HNRNPK: variants seen among roughly 807,000 people sequenced by gnomAD.
HNRNPK encodes heterogeneous nuclear ribonucleoprotein K, also known as dC-stretch binding protein.
HNRNPK carries 7 observed loss-of-function variants against 67.0 expected under a neutral mutation model. That is an observed-to-expected ratio of 0.10 (90% CI 0.06 to 0.20). The LOEUF (loss-of-function observed/expected upper bound fraction) is 0.20, where lower values mean the gene tolerates loss of function less well. Among genes scored for constraint, HNRNPK ranks in the 10% least tolerant of loss-of-function variants. HNRNPK has a pLI of 1.00. For synonymous variants in HNRNPK, 213 were observed against 193.7 expected, an observed-to-expected ratio of 1.10 and a Z score of -0.83; for missense variants, 264 against 606.5, an observed-to-expected ratio of 0.44 and a Z score of 5.93.
At position 83,970,344 on chromosome 9, in the gene HNRNPK, T is replaced by A. The variant is rs746875286; in HGVS notation, c.1192-13A>T. The A allele has an allele frequency of 6.2e-7, 1 of 1,603,148 alleles. No individual in the cohort carries two copies. Among genetic ancestry groups the A allele is most frequent in the Non-Finnish European group, 8.5e-7 (1 of 1,173,090 alleles). On this transcript the variant is annotated splice_polypyrimidine_tract_variant and intron_variant, in intron 15 of 16. Coordinates refer to ENST00000376263, the MANE Select transcript of HNRNPK (RefSeq NM_031263.4). ...TAGATCCAGCCAACTGAAAAGATTT[T>A]TTAAAAGTATGTGTTTACGATATAC... is the stretch of plus-strand genomic sequence containing the variant.
intron 3 of HNRNPK, 28 bp from the exon 4 acceptor site, chr9:83,977,814 G>T: frequency 7.2e-7 from 1 of 1,386,842 alleles, no homozygotes; most frequent in Non-Finnish European, 1.0e-6. Flanking sequence ...ACATTTCAAA[G>T]AAAGCAGCGA....
At chr9:83,975,415 TTC>T in intron 6 of HNRNPK, 45 bp downstream of exon 6, 2 of 1,553,898 alleles carry the variant, frequency 1.3e-6, no homozygotes, top group Middle Eastern at 1.7e-4. Flanking sequence ...TAAAATACAT[TTC>T]TCTCTTTCTA....
At chr9:83,971,427 A>ACATGAACCCGCATTGTAT in intron 12 of HNRNPK, 71 bp from the exon 13 acceptor site, 1 of 1,051,498 alleles carries the variant, frequency 9.5e-7, no homozygotes, top group Non-Finnish European at 1.5e-6. Context: ...AATATGCCTA[A>ACATGAACCCGCATTGTAT]TTTGCATGTT....
Position 83,972,986 on chromosome 9 carries a change from A to AT in HNRNPK, c.517-15dup. On this transcript the variant is annotated splice_polypyrimidine_tract_variant and intron_variant, in intron 9 of 16. Transcript: ENST00000376263. The stretch of plus-strand genomic sequence containing the variant: ...GGTTTGAGTGTTCTGTAGTAAGATC[A>AT]TAAAAAAAAATAATAATAATTAGAA... The AT allele has an allele frequency of 4.5e-6, 7 of 1,543,662 alleles. No individual in the cohort carries two copies. The highest frequency in any genetic ancestry group is 2.0e-4 in the Middle Eastern group (1 of 5,076).
intron 1 of HNRNPK, among the ~76,000 whole-genome samples, chr9:83,978,857 G>C (rs1214510916): frequency 6.6e-6 from 1 of 152,188 alleles, no homozygotes; most frequent in Non-Finnish European, 1.5e-5. Context: ...ACTCATGCTT[G>C]AAGCGATCTT....
chr9:83,969,824 C>G (rs1956744081), intron 16 of HNRNPK: 3 of 612,068 alleles, frequency 4.9e-6, no homozygotes, highest in Admixed American at 3.8e-5. Context: ...AACAAAATCA[C>G]TAGTCTTCCA....
chr9:83,974,482 T>C (rs761408559), intron 7 of HNRNPK, 35 bp downstream of exon 7: 16 of 1,035,472 alleles, frequency 1.5e-5, no homozygotes, highest in Non-Finnish European at 2.4e-5. Context: ...TCCCCCCTCA[T>C]ATTGTCAAAT....
chr9:83,972,800 T>C (rs1956913183), intron 10 of HNRNPK, 44 bp downstream of exon 10: 4 of 1,496,714 alleles, frequency 2.7e-6, no homozygotes, highest in Middle Eastern at 2.5e-4. Flanking sequence ...GGTTATCACT[T>C]TGTTTCATAA....
intron 9 of HNRNPK, 86 bp from the exon 10 acceptor site, chr9:83,973,058 CAATT>C (rs769579932): frequency 2.4e-5 from 22 of 935,072 alleles, no homozygotes; most frequent in African/African-American, 5.1e-5. Context: ...TTGAATTCAA[CAATT>C]AACCCCCCAC....
At position 83,971,169 on chromosome 9, in the gene HNRNPK, C is replaced by G. The variant is rs117595279; in HGVS notation, c.1092+104G>C. The G allele has an allele frequency of 3.4e-3, 3,020 of 891,876 alleles. 7 individuals carry two copies. The highest frequency in any genetic ancestry group is 4.6e-3 in the Non-Finnish European group (2,414 of 527,754). 55.2% of individuals were successfully genotyped at this position (891,876 alleles called of 1,614,324 possible). A position where few individuals can be genotyped will look rare whatever the true frequency, so the allele number is the denominator to read the frequency against. ...TCAGGAAACCAAAGTCCTCCTGTAT[C>G]CTATTTTCAGTAAGTATCCTCAGGG... is the stretch of plus-strand genomic sequence containing the variant. On this transcript the variant is annotated intron_variant, in intron 13 of 16. Transcript: ENST00000376263.
At chr9:83,971,769 C>A (rs1956855307) in intron 11 of HNRNPK, 43 bp from the exon 12 acceptor site, 1 of 1,597,774 alleles carries the variant, frequency 6.3e-7, no homozygotes, top group Non-Finnish European at 8.6e-7. Flanking sequence ...TGCTTACATG[C>A]CACACATATC....
intron 16 of HNRNPK, 72 bp from the exon 17 acceptor site, chr9:83,969,512 T>C (rs1043343344): frequency 4.5e-6 from 4 of 898,000 alleles, no homozygotes; most frequent in Admixed American, 2.1e-5. Context: ...ATCAAGACAA[T>C]TTCAATGCTA....
At chr9:83,970,522 T>C (rs1956780239) in intron 15 of HNRNPK, 191 bp from the exon 16 acceptor site, 1 of 647,870 alleles carries the variant, frequency 1.5e-6, no homozygotes, top group Non-Finnish European at 2.7e-6. Context: ...CCTTAGTTAG[T>C]TAAGGGCTCA....
Position 83,971,922 on chromosome 9 carries a change from G to A in HNRNPK, c.913C>T (p.Arg305Trp). Residue 305 changes from arginine to tryptophan, a missense_variant, in exon 11 of 17, where the codon CGG becomes TGG. Physicochemically the swap from Arg to Trp is moderately radical, Grantham distance 101 (BLOSUM62 -3). Transcript: ENST00000376263. ...GRGGRGGSRA[R>W]NLPLPPPPPP... Reference sequence around the variant, plus strand: ...GGTGGTGGAGGAAGAGGAAGATTCCGAGCTCTGCTACCACCCCGGCCGCCT... The same window carrying A: ...GGTGGTGGAGGAAGAGGAAGATTCCAAGCTCTGCTACCACCCCGGCCGCCT... 1 of 1,575,140 alleles carries A rather than the reference G, an allele frequency of 6.3e-7. No individual in the cohort carries two copies. Among genetic ancestry groups the A allele is most frequent in the Non-Finnish European group, 8.6e-7 (1 of 1,160,086 alleles).
At position 83,972,340 on chromosome 9, in the gene HNRNPK, G is replaced by A. The variant is rs1956887686; in HGVS notation, c.646-151C>T. The A allele has an allele frequency of 8.2e-6, 5 of 611,416 alleles. No individual in the cohort carries two copies. In the South Asian group the frequency reaches 1.2e-4, roughly 15 times the overall value. 37.9% of individuals were successfully genotyped at this position (611,416 alleles called of 1,614,324 possible). On this transcript the variant is annotated intron_variant, in intron 10 of 16. Transcript: ENST00000376263. ...AACAGGAATTATGTCAACGCTAAAAGTAGCAAAGTAAAGATTCCAAAGAAA... is the reference window on the plus strand; with the variant it reads ...AACAGGAATTATGTCAACGCTAAAAATAGCAAAGTAAAGATTCCAAAGAAA...
At chr9:83,974,391 G>A (rs1468819048) in intron 7 of HNRNPK, 126 bp downstream of exon 7, 2 of 528,652 alleles carry the variant, frequency 3.8e-6, no homozygotes, top group Non-Finnish European at 6.6e-6. Context: ...TATGTAGCAG[G>A]TTAAGATACT....
At chr9:83,970,122 T>C (rs778780803) in intron 16 of HNRNPK, 40 bp downstream of exon 16, 2 of 1,519,620 alleles carry the variant, frequency 1.3e-6, no homozygotes, top group South Asian at 1.2e-5. Flanking sequence ...TTAAAGGTTT[T>C]AGTATGTATA....
intron 4 of HNRNPK, 62 bp from the exon 5 acceptor site, chr9:83,977,113 GCT>G (rs1296231340): frequency 2.6e-6 from 3 of 1,149,010 alleles, no homozygotes; most frequent in Middle Eastern, 1.9e-4. Context: ...AGCTACCTAC[GCT>G]CTTAGATTTT....
intron 1 of HNRNPK, among the ~76,000 whole-genome samples, 164 bp from the exon 2 acceptor site, chr9:83,978,616 C>A (rs1271896841): frequency 1.3e-5 from 2 of 152,126 alleles, no homozygotes; most frequent in Non-Finnish European, 2.9e-5. Flanking sequence ...CTAAAAAATA[C>A]AAAATTCAAG....
Sources: allele counts gnomAD v4.1 joint callset (sites outside exome capture counted in the v4.1 genomes callset), GRCh38; gene constraint gnomAD v4.1.1; transcripts MANE v1.5; gene names NCBI Gene and HGNC (gene_info 2026-07-23, HGNC 2026-07-21).